Variants in TEX9 observed in about 807,000 individuals in gnomAD.
TEX9 encodes testis expressed 9, also known as testis-expressed protein 9.
TEX9 carries 74 observed loss-of-function variants against 59.6 expected under a neutral mutation model. The observed-to-expected ratio is 1.24, with a 90% CI of 1.03 to 1.51. The LOEUF (loss-of-function observed/expected upper bound fraction) is 1.51, where lower values mean the gene tolerates loss of function less well. TEX9 is among the 40% of genes most tolerant of loss of function. The probability of loss-of-function intolerance (pLI) is 0.00; values close to 1 mark genes in which losing one functional copy is unlikely to be tolerated. For synonymous variants in TEX9, 186 were observed against 152.2 expected, an observed-to-expected ratio of 1.22 and a Z score of -1.64; for missense variants, 522 against 447.8, an observed-to-expected ratio of 1.17 and a Z score of -1.49.
chr15:56,284,567 A>C (rs542246108), intron 1 of TEX9, among the ~76,000 whole-genome samples: 105 of 152,234 alleles, frequency 6.9e-4, no homozygotes, highest in Non-Finnish European at 1.3e-3. Flanking sequence ...AAAGAAGGAA[A>C]TATATAGGAA....
At chr15:56,388,746 T>C (rs1477589) in intron 5 of TEX9, among the ~76,000 whole-genome samples, 151,919 of 152,068 alleles carry the variant, frequency 1, 75,885 homozygotes, top group Non-Finnish European at 1. Context: ...GGAAAAAATG[T>C]TAGGTGAAAT....
chr15:56,375,130 A>G (rs1173614476), intron 3 of TEX9, among the ~76,000 whole-genome samples: 2 of 152,136 alleles, frequency 1.3e-5, no homozygotes, highest in African/African-American at 4.8e-5. Context: ...CAGTCCCACC[A>G]ACAGTGTAAA....
intron 1 of TEX9, among the ~76,000 whole-genome samples, chr15:56,357,729 A>G (rs1208684950): frequency 6.6e-6 from 1 of 152,176 alleles, no homozygotes; most frequent in African/African-American, 2.4e-5. Context: ...TGTGTTTAAT[A>G]TCTGCAAGCT....
chr15:56,348,270 AT>A (rs2046510437), intron 1 of TEX9, among the ~76,000 whole-genome samples: 1 of 152,042 alleles, frequency 6.6e-6, no homozygotes, highest in South Asian at 2.1e-4. Context: ...TGTCATGGAA[AT>A]TTTGTGAAGT....
At chr15:56,320,715 T>A (rs1392060785) in intron 1 of TEX9, among the ~76,000 whole-genome samples, 1 of 152,234 alleles carries the variant, frequency 6.6e-6, no homozygotes, top group Non-Finnish European at 1.5e-5. Flanking sequence ...GGTAGCCATA[T>A]GATTTGTCAT....
intron 1 of TEX9, among the ~76,000 whole-genome samples, chr15:56,273,663 GTCTT>G (rs1279011875): frequency 1.3e-5 from 2 of 152,132 alleles, no homozygotes; most frequent in Admixed American, 1.3e-4. Context: ...TTGTCTGAAA[GTCTT>G]TATTTCTTCT....
In TEX9 at chr15:56,309,693, G is replaced by GTTTTTTTTTTTTTTTTTTTTTTT. The variant is rs60648387; in HGVS notation, c.-106-63739_-106-63717dup. 8.2e-5 allele frequency among the ~76,000 whole-genome samples: 5 copies of GTTTTTTTTTTTTTTTTTTTTTTT among 60,786 alleles called. 2 individuals are homozygous for GTTTTTTTTTTTTTTTTTTTTTTT. The highest frequency in any genetic ancestry group is 3.7e-4 in the African/African-American group (5 of 13,690). 39.9% of individuals were successfully genotyped at this position (60,786 alleles called of 152,430 possible). A position where few individuals can be genotyped will look rare whatever the true frequency, so the allele number is the denominator to read the frequency against. On this transcript the variant is annotated intron_variant, in intron 1 of 5. Transcript: ENST00000560827. Reference sequence around the variant, plus strand: ...TCTGGGCCTGGGATTTTTATGGGAAGTTTTTTTTTTTTTTTTTTTTTTTTT... The same window carrying GTTTTTTTTTTTTTTTTTTTTTTT: ...TCTGGGCCTGGGATTTTTATGGGAAGTTTTTTTTTTTTTTTTTTTTTTTTTTTTTTTTTTTTTTTTTTTTTTTT...
intron 1 of TEX9, among the ~76,000 whole-genome samples, chr15:56,252,397 T>G (rs1324904035): frequency 7.4e-5 from 11 of 148,206 alleles, no homozygotes; most frequent in Admixed American, 2.0e-4. Context: ...TTTTTTTTTG[T>G]CCAGGCCACA....
intron 1 of TEX9, among the ~76,000 whole-genome samples, chr15:56,259,944 C>T (rs568301915): frequency 7.2e-4 from 109 of 152,126 alleles, no homozygotes; most frequent in African/African-American, 2.4e-3. Context: ...TTGCCGTTTT[C>T]ACTTTAGTGA....
intron 7 of TEX9, among the ~76,000 whole-genome samples, 178 bp downstream of exon 7, chr15:56,391,596 T>C (rs1284029246): frequency 1.3e-5 from 2 of 151,960 alleles, no homozygotes; most frequent in African/African-American, 2.4e-5. Context: ...TTAAATAAAA[T>C]TGGCCATGGG....
At chr15:56,365,389 A>G (rs1273298747), upstream of TEX9, 1 of 1,579,204 alleles carries the variant, frequency 6.3e-7, no homozygotes, top group African/African-American at 1.4e-5. Flanking sequence ...GGCAACCGGG[A>G]TGTGGAAACT....
intron 1 of TEX9, among the ~76,000 whole-genome samples, chr15:56,284,025 C>T (rs1011745822): frequency 6.6e-6 from 1 of 152,154 alleles, no homozygotes; most frequent in Non-Finnish European, 1.5e-5. Context: ...AGTGCAATGT[C>T]TAATATTATT....
intron 1 of TEX9, among the ~76,000 whole-genome samples, chr15:56,339,397 A>AAAAACAAAC (rs1567091367): frequency 1.6e-4 from 10 of 61,024 alleles, no homozygotes; most frequent in African/African-American, 3.2e-4. Context: ...AAAAAAAAAA[A>AAAAACAAAC]AAAAAAAAAA....
At chr15:56,388,613 G>A in intron 5 of TEX9, 93 bp downstream of exon 5, 1 of 1,029,612 alleles carries the variant, frequency 9.7e-7, no homozygotes, top group Non-Finnish European at 1.5e-6. Flanking sequence ...GAAGGGGTAT[G>A]ACTCAACAGA....
intron 1 of TEX9, among the ~76,000 whole-genome samples, chr15:56,279,108 T>G (rs1231565222): frequency 6.6e-6 from 1 of 152,200 alleles, no homozygotes; most frequent in Non-Finnish European, 1.5e-5. Context: ...TTTTTAACTT[T>G]AACGGGAAAA....
At chr15:56,318,515 C>T (rs749023365) in intron 1 of TEX9, among the ~76,000 whole-genome samples, 2 of 151,934 alleles carry the variant, frequency 1.3e-5, no homozygotes, top group Non-Finnish European at 2.9e-5. Context: ...GTTTAGTTTA[C>T]ATTTAATAAA....
chr15:56,358,941 T>C (rs1191556069), intron 1 of TEX9, among the ~76,000 whole-genome samples: 2 of 152,180 alleles, frequency 1.3e-5, no homozygotes, highest in Admixed American at 6.5e-5. Context: ...GCCATGATTG[T>C]TAAGTTTCCT....
chr15:56,278,495 C>A (rs187647319), intron 1 of TEX9, among the ~76,000 whole-genome samples: 1 of 152,308 alleles, frequency 6.6e-6, no homozygotes, highest in Non-Finnish European at 1.5e-5. Context: ...TTTTGTCTCC[C>A]CAGCCTGGGT....
chr15:56,447,419 C>T (rs969528544), downstream of TEX9: 2 of 152,498 alleles, frequency 1.3e-5, no homozygotes, highest in Non-Finnish European at 2.9e-5. Context: ...ACTGAGTCTT[C>T]AATAAACATA....
Sources: allele counts gnomAD v4.1 joint callset (sites outside exome capture counted in the v4.1 genomes callset), GRCh38; gene constraint gnomAD v4.1.1; transcripts MANE v1.5; gene names NCBI Gene and HGNC (gene_info 2026-07-23, HGNC 2026-07-21).